The following ARFIP1 variants were observed in gnomAD, a reference collection of about 807,000 sequenced individuals.
The protein encoded by ARFIP1 is arfaptin-1.
In ARFIP1, 24 loss-of-function variants were observed where a neutral mutation model predicts 42.5. That is an observed-to-expected ratio of 0.57 (90% confidence interval 0.41 to 0.80). The LOEUF is 0.80. Ranked by LOEUF, ARFIP1 falls within the 30% of genes least tolerant of loss-of-function variation. The pLI is 0.00. For synonymous variants in ARFIP1, 141 were observed against 153.7 expected (o/e 0.92, Z 0.61); for missense variants, 354 against 434.0 (o/e 0.82, Z 1.64).
chr4:152,826,025 G>T (rs1730805400), intron 1 of ARFIP1, among the ~76,000 whole-genome samples: 1 of 151,774 alleles, frequency 6.6e-6, no homozygotes, highest in Non-Finnish European at 1.5e-5. Context: ...TGAATGTGGT[G>T]AAAAAGGAAT....
chr4:152,910,084 G>A lies in ARFIP1; in HGVS notation c.987G>A (p.Gln329=). The part of the protein sequence containing the change: ...EENKVKVLHN[Q]LVLFHNAIAA... ...CACAGGTTAAAGTATTGCACAATCA[G>A]CTGGTCCTTTTCCACAATGCCATTG... Residue 329 remains glutamine, a synonymous_variant, in exon 9 of 9, where the codon CAG becomes CAA. Coordinates refer to ENST00000353617, the MANE Select transcript of ARFIP1 (RefSeq NM_001025595.3). 1.2e-6 allele frequency: 2 copies of A among 1,614,170 alleles called. No homozygotes were observed. The highest frequency in any genetic ancestry group is 4.5e-5 in the East Asian group (2 of 44,878).
intron 1 of ARFIP1, among the ~76,000 whole-genome samples, chr4:152,781,176 A>G (rs1267427255): frequency 6.6e-6 from 1 of 151,998 alleles, no homozygotes; most frequent in East Asian, 1.9e-4. Context: ...GTGCACCAGA[A>G]ATGGTTACCT....
chr4:152,868,987 TC>T (rs1189559432), intron 3 of ARFIP1, among the ~76,000 whole-genome samples: 2 of 152,202 alleles, frequency 1.3e-5, no homozygotes, highest in Non-Finnish European at 2.9e-5. Flanking sequence ...ATTTCCATCA[TC>T]CCTTCTGGTT....
Position 152,888,162 on chromosome 4 carries a change from T to C in ARFIP1, c.821T>C (p.Leu274Ser), listed in dbSNP as rs762813888. Reference sequence around the variant, plus strand: ...GAATATGATGCATATCGCACTGATTTGGAAGAACTGAATCTTGGACCACGT... The same window carrying C: ...GAATATGATGCATATCGCACTGATTCGGAAGAACTGAATCTTGGACCACGT... ...RIEYDAYRTD[L>S]EELNLGPRDA... The change falls in exon 8 of 9, where the codon TTG (leucine) becomes TCG (serine). Residue 274 changes from leucine (L) to serine (S), a missense_variant. By Grantham distance (145) the Leu-to-Ser change is moderately radical (BLOSUM62 -2). Coordinates refer to ENST00000353617, the MANE Select transcript of ARFIP1 (RefSeq NM_001025595.3). 3 of 1,610,904 alleles carry C rather than the reference T, an allele frequency of 1.9e-6. No individual in the cohort carries two copies. Among genetic ancestry groups the C allele is most frequent in the Non-Finnish European group, 2.5e-6 (3 of 1,178,760 alleles).
At position 152,911,302 on chromosome 4, in the gene ARFIP1, T is replaced by C. The variant is rs1738829680; in HGVS notation, c.*1083T>C. 1 of 152,654 alleles carries C rather than the reference T, an allele frequency of 6.6e-6. No individual in the cohort carries two copies. The allele number at this position is 152,654 out of a possible 1,614,324, so 9.5% of individuals were successfully genotyped here. On this transcript the variant is annotated 3_prime_UTR_variant, in exon 9 of 9. Coordinates refer to ENST00000353617, the MANE Select transcript of ARFIP1 (RefSeq NM_001025595.3). Reference sequence around the variant, plus strand: ...TTTGAGGTTTATGGTAAAAATCATCTTTTGAGTTTGCTCTTTGGTTTTTCT... The same window carrying C: ...TTTGAGGTTTATGGTAAAAATCATCCTTTGAGTTTGCTCTTTGGTTTTTCT...
At chr4:152,867,248 C>T (rs1734478559) in intron 3 of ARFIP1, among the ~76,000 whole-genome samples, 1 of 152,204 alleles carries the variant, frequency 6.6e-6, no homozygotes, top group South Asian at 2.1e-4. Flanking sequence ...AATCCCGGCA[C>T]CTCGGGAGGC....
chr4:152,867,167 C>T (rs971888035), intron 3 of ARFIP1, among the ~76,000 whole-genome samples: 2 of 152,124 alleles, frequency 1.3e-5, no homozygotes, highest in Admixed American at 6.5e-5. Context: ...GAGGTTGTAG[C>T]GAGCCGAGAT....
intron 1 of ARFIP1, among the ~76,000 whole-genome samples, chr4:152,795,180 T>G (rs950539130): frequency 6.6e-6 from 1 of 152,144 alleles, no homozygotes; most frequent in African/African-American, 2.4e-5. Flanking sequence ...GTTTGTTTGT[T>G]TGTTTGTTTG....
At position 152,863,706 on chromosome 4, in the gene ARFIP1, C is replaced by T. The variant is rs1043130586; in HGVS notation, c.194C>T (p.Ala65Val). The change falls in exon 3 of 9, where the codon GCA (alanine) becomes GTA (valine). Residue 65 changes from alanine (A) to valine (V), a missense_variant. Physicochemically the swap from Ala to Val is moderately conservative, Grantham distance 64. Coordinates refer to ENST00000353617, the MANE Select transcript of ARFIP1 (RefSeq NM_001025595.3). ...AAAGAGGGTGTTATTGAAGCAGGAG[C>T]ATTTCAAGGTAAGAGCCCATATATT... ...NTKEGVIEAGAFQGSPAPPLP... is the reference protein window; with the variant it reads ...NTKEGVIEAGVFQGSPAPPLP... The T allele has an allele frequency of 1.3e-6, 2 of 1,599,308 alleles. No individual in the cohort carries two copies. The highest frequency in any genetic ancestry group is 1.7e-6 in the Non-Finnish European group (2 of 1,167,386).
intron 8 of ARFIP1, among the ~76,000 whole-genome samples, chr4:152,891,307 G>A (rs1360461667): frequency 6.6e-6 from 1 of 152,200 alleles, no homozygotes; most frequent in East Asian, 1.9e-4. Context: ...TTTGAACTGA[G>A]TAATCAGCTA....
At chr4:152,844,713 A>G (rs1057406992) in intron 2 of ARFIP1, among the ~76,000 whole-genome samples, 3 of 152,166 alleles carry the variant, frequency 2.0e-5, no homozygotes, top group African/African-American at 7.2e-5. Context: ...AACACATCAG[A>G]TGACACAAAC....
intron 8 of ARFIP1, among the ~76,000 whole-genome samples, chr4:152,906,630 A>G (rs888702959): frequency 1.3e-5 from 2 of 152,112 alleles, no homozygotes; most frequent in East Asian, 1.9e-4. Context: ...CTCTACTTCT[A>G]CCTTTGCATG....
At chr4:152,781,006 C>T (rs1200473541) in intron 1 of ARFIP1, among the ~76,000 whole-genome samples, 1 of 152,132 alleles carries the variant, frequency 6.6e-6, no homozygotes, top group Non-Finnish European at 1.5e-5. Context: ...CGCCCCTACC[C>T]TGTTTTCTCC....
chr4:152,860,542 C>G (rs1056899993), intron 2 of ARFIP1, among the ~76,000 whole-genome samples: 1 of 152,174 alleles, frequency 6.6e-6, no homozygotes, highest in African/African-American at 2.4e-5. Context: ...TTACCTTGAA[C>G]CTACCGTAAT....
intron 8 of ARFIP1, among the ~76,000 whole-genome samples, chr4:152,892,504 A>C (rs967594361): frequency 6.6e-6 from 1 of 152,192 alleles, no homozygotes; most frequent in Non-Finnish European, 1.5e-5. Context: ...CTATAGTAAT[A>C]AGCTTTAGCA....
chr4:152,800,398 A>G (rs1313318475), intron 1 of ARFIP1, among the ~76,000 whole-genome samples: 3 of 152,200 alleles, frequency 2.0e-5, no homozygotes, highest in Admixed American at 6.5e-5. Context: ...AGATTAGGCA[A>G]CTAAAACTTG....
At chr4:152,860,927 G>T (rs1733842728) in intron 2 of ARFIP1, among the ~76,000 whole-genome samples, 1 of 152,132 alleles carries the variant, frequency 6.6e-6, no homozygotes, top group Non-Finnish European at 1.5e-5. Context: ...ATGGGTGTTT[G>T]CTTTTCCATT....
At chr4:152,825,267 A>C (rs1370744851) in intron 1 of ARFIP1, among the ~76,000 whole-genome samples, 5 of 152,198 alleles carry the variant, frequency 3.3e-5, no homozygotes, top group Non-Finnish European at 1.5e-5. Flanking sequence ...AAAAGGAATA[A>C]ATCTAGAGGC....
intron 1 of ARFIP1, among the ~76,000 whole-genome samples, chr4:152,827,949 C>T (rs1730971548): frequency 6.6e-6 from 1 of 152,204 alleles, no homozygotes. Context: ...GTTGGGATTA[C>T]AGACATGAAC....
Sources: gnomAD v4.1 joint callset for allele counts (sites outside exome capture counted in the v4.1 genomes callset) on GRCh38, gnomAD v4.1.1 for gene constraint, MANE v1.5 for transcripts, NCBI Gene and HGNC (gene_info 2026-07-23, HGNC 2026-07-21) for gene names.